EYS: variants seen among roughly 807,000 people sequenced by gnomAD.
EYS encodes the protein EGF-like photoreceptor maintenance factor.
EYS carries 250 observed loss-of-function variants against 282.1 expected under a neutral mutation model. That is an observed-to-expected ratio of 0.89 (90% CI 0.80 to 0.98). EYS has a LOEUF of 0.98. Among genes scored for constraint, EYS ranks in the 50% least tolerant of loss-of-function variants. The pLI, the probability that EYS is intolerant of heterozygous loss-of-function variation, is 0.00. For synonymous variants in EYS, 1,355 were observed against 1,282.9 expected, an observed-to-expected ratio of 1.06 and a Z score of -1.20; for missense variants, 4,016 against 3,709.0, an observed-to-expected ratio of 1.08 and a Z score of -2.15.
At chr6:64,770,483 A>T (rs1342048604) in intron 22 of EYS, among the ~76,000 whole-genome samples, 1 of 151,964 alleles carries the variant, frequency 6.6e-6, no homozygotes, top group Non-Finnish European at 1.5e-5. Flanking sequence ...AAAAGGATTT[A>T]TCCCATATGA....
At chr6:64,602,443 A>G (rs984230530) in intron 24 of EYS, among the ~76,000 whole-genome samples, 13 of 152,096 alleles carry the variant, frequency 8.5e-5, no homozygotes, top group Non-Finnish European at 1.3e-4. Context: ...GTCTTGAGCT[A>G]CAAGAGTCAT....
At chr6:64,460,271 A>G (rs1040657308) in intron 26 of EYS, among the ~76,000 whole-genome samples, 3 of 152,242 alleles carry the variant, frequency 2.0e-5, no homozygotes, top group Non-Finnish European at 4.4e-5. Flanking sequence ...CATTGGATTT[A>G]TGCTATAATG....
At chr6:64,482,971 T>C (rs73767825) in intron 26 of EYS, among the ~76,000 whole-genome samples, 7,864 of 151,708 alleles carry the variant, frequency 0.052, 684 homozygotes, top group African/African-American at 0.18. Context: ...GTGAGTGGGA[T>C]CACTGAACTA....
chr6:65,598,760 G>C (rs1449563361), intron 2 of EYS, among the ~76,000 whole-genome samples: 1 of 152,034 alleles, frequency 6.6e-6, no homozygotes, highest in African/African-American at 2.4e-5. Context: ...ATGGTAGTCA[G>C]GACACAGTAG....
intron 1 of EYS, among the ~76,000 whole-genome samples, chr6:65,668,213 G>A (rs1768266185): frequency 6.6e-6 from 1 of 151,790 alleles, no homozygotes; most frequent in Non-Finnish European, 1.5e-5. Flanking sequence ...TCAATGATTA[G>A]TAGAAATCAC....
At chr6:65,093,511 C>T (rs1018712161) in intron 12 of EYS, among the ~76,000 whole-genome samples, 2 of 151,786 alleles carry the variant, frequency 1.3e-5, no homozygotes, top group Non-Finnish European at 2.9e-5. Context: ...AGATAAAGTA[C>T]ATGCATGGAG....
intron 7 of EYS, among the ~76,000 whole-genome samples, chr6:65,394,015 T>A (rs1468710634): frequency 6.6e-6 from 1 of 152,164 alleles, no homozygotes; most frequent in Non-Finnish European, 1.5e-5. Flanking sequence ...GTCAGTGGCA[T>A]ATTTTACAAA....
chr6:64,322,220 G>T (rs1384256713), intron 29 of EYS, among the ~76,000 whole-genome samples: 1 of 151,968 alleles, frequency 6.6e-6, no homozygotes, highest in African/African-American at 2.4e-5. Flanking sequence ...CAAGCTGTCT[G>T]CTCAGAAAAG....
intron 11 of EYS, chr6:65,303,455 G>C: frequency 1.2e-6 from 2 of 1,611,510 alleles, no homozygotes; most frequent in Non-Finnish European, 8.5e-7. Flanking sequence ...GAAGAAAGTT[G>C]AAGCTCCAGA....
intron 22 of EYS, among the ~76,000 whole-genome samples, chr6:64,794,038 T>C (rs1774272288): frequency 6.6e-6 from 1 of 152,186 alleles, no homozygotes; most frequent in African/African-American, 2.4e-5. Flanking sequence ...CATTCTACTC[T>C]CTGTTTCTAC....
intron 33 of EYS, among the ~76,000 whole-genome samples, chr6:64,001,154 C>A (rs987743913): frequency 2.0e-5 from 3 of 152,154 alleles, no homozygotes; most frequent in African/African-American, 4.8e-5. Context: ...AACCACTTAA[C>A]CTTTCTTCCC....
chr6:63,991,662 GAGAA>G (rs1767608058), intron 34 of EYS, among the ~76,000 whole-genome samples: 1 of 151,382 alleles, frequency 6.6e-6, no homozygotes, highest in Non-Finnish European at 1.5e-5. Context: ...AAGGAGAAGA[GAGAA>G]AGAAAGAAGA....
chr6:65,538,895 C>A (rs1210412950), intron 2 of EYS, among the ~76,000 whole-genome samples: 1 of 152,104 alleles, frequency 6.6e-6, no homozygotes, highest in Non-Finnish European at 1.5e-5. Context: ...TTGAGTATTG[C>A]AAAGATATAT....
intron 41 of EYS, among the ~76,000 whole-genome samples, chr6:63,740,315 T>C (rs1182756151): frequency 6.6e-6 from 1 of 152,202 alleles, no homozygotes; most frequent in African/African-American, 2.4e-5. Context: ...GGAGTTTCAC[T>C]GCAGAAGCTC....
At chr6:63,922,856 G>T (rs905338913) in intron 35 of EYS, among the ~76,000 whole-genome samples, 1 of 152,130 alleles carries the variant, frequency 6.6e-6, no homozygotes, top group South Asian at 2.1e-4. Flanking sequence ...AAAAAGCAGG[G>T]TATATGTTAA....
chr6:65,074,585 G>A (rs1773991820), intron 12 of EYS, among the ~76,000 whole-genome samples: 1 of 152,062 alleles, frequency 6.6e-6, no homozygotes, highest in African/African-American at 2.4e-5. Context: ...TAGAAGCAGA[G>A]TGTATGATAT....
chr6:64,672,928 A>G (rs1769517289), intron 22 of EYS, among the ~76,000 whole-genome samples: 1 of 152,174 alleles, frequency 6.6e-6, no homozygotes, highest in Non-Finnish European at 1.5e-5. Flanking sequence ...ACTTGTTGAA[A>G]GGGAAGCATT....
At chr6:64,704,186 G>C (rs1332809903) in intron 22 of EYS, among the ~76,000 whole-genome samples, 4 of 151,254 alleles carry the variant, frequency 2.6e-5, no homozygotes. Flanking sequence ...TGCACTAATG[G>C]AACATGTAAA....
intron 13 of EYS, among the ~76,000 whole-genome samples, chr6:65,010,153 T>C (rs892836399): frequency 6.6e-6 from 1 of 151,858 alleles, no homozygotes; most frequent in Non-Finnish European, 1.5e-5. Context: ...GCTCTAGGAG[T>C]CCTTACACAG....
Sources: allele counts gnomAD v4.1 joint callset (sites outside exome capture counted in the v4.1 genomes callset), GRCh38; gene constraint gnomAD v4.1.1; transcripts MANE v1.5; gene names NCBI Gene and HGNC (gene_info 2026-07-23, HGNC 2026-07-21).